Variants in ATL1 observed in about 807,000 individuals in gnomAD.
ATL1 encodes the protein atlastin-1.
In ATL1, 31 loss-of-function variants were observed where a neutral mutation model predicts 75.5. That is an observed-to-expected ratio of 0.41 (90% CI 0.31 to 0.55). The LOEUF is 0.55. Among genes scored for constraint, ATL1 ranks in the 20% least tolerant of loss-of-function variants. The pLI, the probability that ATL1 is intolerant of heterozygous loss-of-function variation, is 0.27. For missense variants in ATL1, 405 were observed against 662.6 expected, an observed-to-expected ratio of 0.61 and a Z score of 4.27; for synonymous variants, 226 against 233.3, an observed-to-expected ratio of 0.97 and a Z score of 0.28.
At chr14:50,588,099 A>G (rs757670224) in intron 2 of ATL1, 21 bp downstream of exon 2, 1 of 1,613,914 alleles carries the variant, frequency 6.2e-7, no homozygotes, top group Admixed American at 1.7e-5. Context: ...AGTACTTTAA[A>G]AAGTTTTCTT....
At chr14:50,620,795 C>G (rs2039460680) in intron 9 of ATL1, 69 bp downstream of exon 9, 1 of 1,562,260 alleles carries the variant, frequency 6.4e-7, no homozygotes, top group Non-Finnish European at 8.8e-7. Context: ...TTCCTATAAA[C>G]AAAAATTATA....
chr14:50,539,562 A>G (rs980686720), intron 1 of ATL1, among the ~76,000 whole-genome samples: 1 of 152,244 alleles, frequency 6.6e-6, no homozygotes, highest in African/African-American at 2.4e-5. Context: ...ATGCTAAAGT[A>G]AGGGCACTGG....
At chr14:50,570,047 A>G (rs1287019396) in intron 1 of ATL1, among the ~76,000 whole-genome samples, 1 of 152,114 alleles carries the variant, frequency 6.6e-6, no homozygotes, top group Non-Finnish European at 1.5e-5. Flanking sequence ...AGTTCATCCT[A>G]CTTAGAATTT....
At position 50,618,236 on chromosome 14, in the gene ATL1, G is replaced by A. The variant is rs3015445; in HGVS notation, c.863-2363G>A. Among the ~76,000 whole-genome samples, 1,216 of 152,194 alleles carry A rather than the reference G, an allele frequency of 8.0e-3. 26 individuals are homozygous for A. Among genetic ancestry groups the A allele is most frequent in the African/African-American group, 0.027 (1,132 of 41,524 alleles). On this transcript the variant is annotated intron_variant, in intron 8 of 13. Transcript: ENST00000358385. Reference sequence around the variant, plus strand: ...AATATTCTACTAAAGATGAAAAAACGTAAAATCATATAGCAAAAAAGAAAC... The same window carrying A: ...AATATTCTACTAAAGATGAAAAAACATAAAATCATATAGCAAAAAAGAAAC...
intron 6 of ATL1, among the ~76,000 whole-genome samples, chr14:50,599,737 T>A (rs765258295): frequency 5.3e-5 from 8 of 152,126 alleles, no homozygotes; most frequent in Non-Finnish European, 1.0e-4. Flanking sequence ...ATGATACTAT[T>A]TATGCATATT....
chr14:50,562,266 G>A (rs971457405), intron 1 of ATL1, among the ~76,000 whole-genome samples: 1 of 152,034 alleles, frequency 6.6e-6, no homozygotes, highest in Non-Finnish European at 1.5e-5. Flanking sequence ...GGATGGTTTC[G>A]ATCTCCTGAC....
At chr14:50,592,590 T>A (rs574444230) in intron 4 of ATL1, among the ~76,000 whole-genome samples, 1 of 152,154 alleles carries the variant, frequency 6.6e-6, no homozygotes, top group African/African-American at 2.4e-5. Context: ...TTTTAAAAAT[T>A]AACTTTTCTT....
At position 50,591,450 on chromosome 14, in the gene ATL1, C is replaced by A. The variant is rs142257161; in HGVS notation, c.418-85C>A. On this transcript the variant is annotated intron_variant, in intron 3 of 13. Coordinates refer to ENST00000358385, the MANE Select transcript of ATL1 (RefSeq NM_015915.5). ...AATAGTATTGATTAATAATGGTTTG[C>A]TTTAGTTCTTATATTAATATTATGG... 75 of 896,446 alleles carry A rather than the reference C, an allele frequency of 8.4e-5. No homozygotes were observed. In the African/African-American group the frequency reaches 1.1e-3, roughly 13 times the overall value. The allele number at this position is 896,446 out of a possible 1,614,324, so 55.5% of individuals were successfully genotyped here.
chr14:50,578,527 C>T (rs939915590), intron 1 of ATL1, among the ~76,000 whole-genome samples: 1 of 152,202 alleles, frequency 6.6e-6, no homozygotes, highest in Admixed American at 6.5e-5. Flanking sequence ...CCCCTCATAA[C>T]CTTTTCAACC....
intron 1 of ATL1, among the ~76,000 whole-genome samples, chr14:50,533,578 A>T (rs965536775): frequency 5.3e-5 from 8 of 152,206 alleles, no homozygotes; most frequent in African/African-American, 1.2e-4. Flanking sequence ...TTAAGTTGCC[A>T]GTGTTACATT....
At chr14:50,606,390 CA>C in intron 6 of ATL1, among the ~76,000 whole-genome samples, 1 of 151,934 alleles carries the variant, frequency 6.6e-6, no homozygotes, top group Non-Finnish European at 1.5e-5. Context: ...GAGGAGCTTG[CA>C]GTTTTGATAT....
At position 50,604,069 on chromosome 14, in the gene ATL1, C is replaced by T. The variant is rs369688372; in HGVS notation, c.630+8437C>T. 1.2e-3 allele frequency among the ~76,000 whole-genome samples: 173 copies of T among 150,034 alleles called. 2 individuals carry two copies. In the South Asian group the frequency reaches 0.035, roughly 30 times the overall value. On this transcript the variant is annotated intron_variant, in intron 6 of 13. Coordinates refer to ENST00000358385, the MANE Select transcript of ATL1 (RefSeq NM_015915.5). ...TGCTAAGCATTTTTCTTACATTATT[C>T]GAATTACTGATCATTACAGTTCTAT...
intron 6 of ATL1, among the ~76,000 whole-genome samples, chr14:50,609,874 T>C (rs2039347764): frequency 6.6e-6 from 1 of 152,068 alleles, no homozygotes; most frequent in African/African-American, 2.4e-5. Flanking sequence ...TAAAGTTATG[T>C]TAGTTATTTT....
chr14:50,577,654 C>T (rs2039018213), intron 1 of ATL1, among the ~76,000 whole-genome samples: 1 of 152,112 alleles, frequency 6.6e-6, no homozygotes, highest in African/African-American at 2.4e-5. Flanking sequence ...TTAGCCATCA[C>T]CCTCCATACC....
chr14:50,570,675 A>C (rs1266580156), intron 1 of ATL1, among the ~76,000 whole-genome samples: 1 of 152,150 alleles, frequency 6.6e-6, no homozygotes, highest in Non-Finnish European at 1.5e-5. Flanking sequence ...GTGGTTTTAA[A>C]GTAATTGTTG....
At chr14:50,559,563 T>C (rs1056977358), upstream of ATL1, 9 of 152,226 alleles carry the variant, frequency 5.9e-5, no homozygotes, top group Non-Finnish European at 1.3e-4. Flanking sequence ...TCTTTGCAAA[T>C]CTAGTGGGAA....
Position 50,629,205 on chromosome 14 carries a change from C to T in ATL1, c.1551+743C>T, listed in dbSNP as rs146656706. ...TATCATTCTCTTTTTTAGTTAAAAACTTCCAAAAGCAGTATCAGATTACTT... is the reference window on the plus strand; with the variant it reads ...TATCATTCTCTTTTTTAGTTAAAAATTTCCAAAAGCAGTATCAGATTACTT... On this transcript the variant is annotated intron_variant, in intron 12 of 13. Coordinates refer to ENST00000358385, the MANE Select transcript of ATL1 (RefSeq NM_015915.5). Among the ~76,000 whole-genome samples the T allele has an allele frequency of 3.8e-3, 575 of 152,240 alleles. 5 individuals are homozygous for T. Among genetic ancestry groups the T allele is most frequent in the African/African-American group, 0.012 (492 of 41,546 alleles).
intron 5 of ATL1, among the ~76,000 whole-genome samples, chr14:50,594,910 G>A (rs1459922776): frequency 1.3e-5 from 2 of 149,660 alleles, no homozygotes; most frequent in Non-Finnish European, 3.0e-5. Context: ...GAGGTAGGAG[G>A]ATCACTTGAG....
intron 8 of ATL1, among the ~76,000 whole-genome samples, chr14:50,616,330 T>C (rs1265188628): frequency 6.6e-6 from 1 of 151,994 alleles, no homozygotes; most frequent in African/African-American, 2.4e-5. Flanking sequence ...GGGGTCTTGC[T>C]CTGTCTATCA....
Sources: gnomAD v4.1 joint callset for allele counts (sites outside exome capture counted in the v4.1 genomes callset) on GRCh38, gnomAD v4.1.1 for gene constraint, MANE v1.5 for transcripts, NCBI Gene and HGNC (gene_info 2026-07-23, HGNC 2026-07-21) for gene names.